Variants in OSBPL9 observed in about 807,000 individuals in gnomAD.
The protein encoded by OSBPL9 is oxysterol-binding protein-related protein 9.
Under a neutral mutation model 106.6 loss-of-function variants are expected in OSBPL9, and 40 were observed. That is an observed-to-expected ratio of 0.38 (90% CI 0.29 to 0.49). The LOEUF is 0.49. Ranked by LOEUF, OSBPL9 falls within the 20% of genes least tolerant of loss-of-function variation. The pLI is 0.97. For missense variants in OSBPL9, 609 were observed against 887.2 expected (o/e 0.69, Z 3.98); for synonymous variants, 269 against 295.4 (o/e 0.91, Z 0.92).
intron 1 of OSBPL9, among the ~76,000 whole-genome samples, chr1:51,620,916 A>T (rs548826890): frequency 1.3e-5 from 2 of 152,210 alleles, no homozygotes; most frequent in South Asian, 4.2e-4. Context: ...TTTGGTAGAG[A>T]CGGGGTTTCA....
intron 12 of OSBPL9, among the ~76,000 whole-genome samples, chr1:51,768,102 T>C (rs1212212600): frequency 6.6e-6 from 1 of 151,244 alleles, no homozygotes; most frequent in Non-Finnish European, 1.5e-5. Flanking sequence ...CCACCACGCC[T>C]GGCTAGTTTT....
intron 15 of OSBPL9, 109 bp from the exon 16 acceptor site, chr1:51,781,055 G>T: frequency 1.1e-6 from 1 of 890,960 alleles, no homozygotes; most frequent in Non-Finnish European, 1.7e-6. Context: ...CCTGGTCCTA[G>T]GTCCTCAGTC....
At chr1:51,740,256 A>G (rs1666610462) in intron 4 of OSBPL9, 3 of 1,465,768 alleles carry the variant, frequency 2.0e-6, no homozygotes, top group East Asian at 2.7e-5. Context: ...CTTTCATTGG[A>G]TGAAAGCTTA....
the OSBPL9 span, among the ~76,000 whole-genome samples, chr1:51,562,869 C>T: frequency 1.7e-3 from 261 of 152,278 alleles, no homozygotes; most frequent in Non-Finnish European, 3.1e-3. Context: ...TGATTCCTTT[C>T]GTTCTTCTTG....
Position 51,734,983 on chromosome 1 carries a change from A to G in OSBPL9, c.319-10553A>G, listed in dbSNP as rs141557052. Among the ~76,000 whole-genome samples, 971 of 152,304 alleles carry G rather than the reference A, an allele frequency of 6.4e-3. 7 individuals carry two copies. The highest frequency in any genetic ancestry group is 0.011 in the Non-Finnish European group (758 of 68,034). ...TGCTTCTCAGCTCCTCAGTTTGGGAATATGCCTTTTCTGGTTATTCTCCAT... is the reference window on the plus strand; with the variant it reads ...TGCTTCTCAGCTCCTCAGTTTGGGAGTATGCCTTTTCTGGTTATTCTCCAT... On this transcript the variant is annotated intron_variant, in intron 4 of 23. Coordinates refer to ENST00000428468, the MANE Select transcript of OSBPL9 (RefSeq NM_024586.6).
Position 51,761,940 on chromosome 1 carries a change from ACAT to A in OSBPL9, c.753_755del (p.His251del), listed in dbSNP as rs1368501393. 1.9e-6 allele frequency: 3 copies of A among 1,611,456 alleles called. No individual in the cohort carries two copies. Among genetic ancestry groups the A allele is most frequent in the East Asian group, 4.5e-5 (2 of 44,856 alleles). On this transcript the variant is annotated inframe_deletion, in exon 11 of 24. Coordinates refer to ENST00000428468, the MANE Select transcript of OSBPL9 (RefSeq NM_024586.6). ...TTGGACCTGTGTTGGCTACCTTGGG[ACAT>A]CATCAGACTCCTACACCAAATAGTA...
the OSBPL9 span, among the ~76,000 whole-genome samples, chr1:51,568,595 C>T: frequency 6.6e-6 from 1 of 152,160 alleles, no homozygotes; most frequent in African/African-American, 2.4e-5. Context: ...CACTCTGTCA[C>T]CCAGGCTGTC....
At chr1:51,612,365 T>G (rs1014296204), upstream of OSBPL9, among the ~76,000 whole-genome samples, 3 of 152,228 alleles carry the variant, frequency 2.0e-5, no homozygotes, top group African/African-American at 7.2e-5. Flanking sequence ...CTGTCCCAGC[T>G]CCTGTCCTTG....
chr1:51,734,262 G>GT (rs1196079469), intron 4 of OSBPL9, among the ~76,000 whole-genome samples: 1 of 152,084 alleles, frequency 6.6e-6, no homozygotes, highest in East Asian at 1.9e-4. Context: ...TGAACAACTC[G>GT]TTTTTCCCAA....
intron 2 of OSBPL9, among the ~76,000 whole-genome samples, chr1:51,653,413 A>G (rs1646639620): frequency 6.6e-6 from 1 of 152,162 alleles, no homozygotes; most frequent in African/African-American, 2.4e-5. Flanking sequence ...TCATTGTTAC[A>G]GTTAATCCAC....
At chr1:51,685,606 C>T (rs762583527) in intron 3 of OSBPL9, among the ~76,000 whole-genome samples, 1 of 152,162 alleles carries the variant, frequency 6.6e-6, no homozygotes, top group Non-Finnish European at 1.5e-5. Context: ...CCATGTTGGC[C>T]AGGCTGGTCT....
chr1:51,599,337 T>G (rs919449483), intron 2 of OSBPL9, among the ~76,000 whole-genome samples: 6 of 152,216 alleles, frequency 3.9e-5, no homozygotes, highest in Non-Finnish European at 7.3e-5. Flanking sequence ...GCTTGTACTA[T>G]TTTGGTTACA....
chr1:51,588,857 T>C (rs910025801), intron 1 of OSBPL9, among the ~76,000 whole-genome samples: 1 of 152,218 alleles, frequency 6.6e-6, no homozygotes, highest in African/African-American at 2.4e-5. Context: ...GCACCTACTA[T>C]GTGCCTGATC....
chr1:51,713,700 G>A (rs940069145), intron 3 of OSBPL9, among the ~76,000 whole-genome samples: 1 of 151,976 alleles, frequency 6.6e-6, no homozygotes, highest in Non-Finnish European at 1.5e-5. Context: ...GTTGGTTTGT[G>A]ATGCCTTCAA....
intron 2 of OSBPL9, among the ~76,000 whole-genome samples, chr1:51,600,648 C>T (rs1317793700): frequency 6.6e-6 from 1 of 152,072 alleles, no homozygotes; most frequent in Non-Finnish European, 1.5e-5. Flanking sequence ...GCTTTGGGGC[C>T]AAGTATTAAC....
chr1:51,707,317 G>T (rs554051877), intron 3 of OSBPL9: 191 of 194,698 alleles, frequency 9.8e-4, no homozygotes, highest in African/African-American at 4.3e-3. Flanking sequence ...CGGGTGTTCA[G>T]TATAGCTCAG....
chr1:51,733,118 A>G (rs1225675837), intron 4 of OSBPL9, among the ~76,000 whole-genome samples: 1 of 152,188 alleles, frequency 6.6e-6, no homozygotes, highest in Admixed American at 6.5e-5. Flanking sequence ...TGTGTGTGCT[A>G]CTACAGCACT....
intron 1 of OSBPL9, among the ~76,000 whole-genome samples, chr1:51,588,879 C>G (rs1454285764): frequency 6.6e-6 from 1 of 152,132 alleles, no homozygotes; most frequent in African/African-American, 2.4e-5. Context: ...AGGCACTTTT[C>G]TAGTTTCTGA....
Position 51,669,451 on chromosome 1 carries a change from A to G in OSBPL9, c.180A>G (p.Ile60Met), listed in dbSNP as rs779014894. 5 of 1,614,096 alleles carry G rather than the reference A, an allele frequency of 3.1e-6. No individual in the cohort carries two copies. The highest frequency in any genetic ancestry group is 4.2e-6 in the Non-Finnish European group (5 of 1,179,970). Residue 60 changes from isoleucine to methionine, a missense_variant, in exon 3 of 24, where the codon ATA (isoleucine) becomes ATG (methionine). By Grantham distance (10) the Ile-to-Met change is conservative. Around this residue, in one of 5 missense-constraint regions of OSBPL9, gnomAD observed 72 missense variants for 140.5 expected, o/e 0.51. Coordinates refer to ENST00000428468, the MANE Select transcript of OSBPL9 (RefSeq NM_024586.6). ...TTTCACAGGGAGCTGTGATTGGTAT[A>G]GACGATGAGGACGACAGCACCTTCA... ...CVRLRGAVIG[I>M]DDEDDSTFTI... is the part of the protein sequence containing the mutation.
Sources: allele counts gnomAD v4.1 joint callset (sites outside exome capture counted in the v4.1 genomes callset), GRCh38; gene constraint gnomAD v4.1.1; regional missense constraint gnomAD v4.1.1; transcripts MANE v1.5; gene names NCBI Gene and HGNC (gene_info 2026-07-23, HGNC 2026-07-21).